LINGO2: variants seen among roughly 807,000 people sequenced by gnomAD.
LINGO2 encodes the protein leucine rich repeat and Ig domain containing 2, also known as leucine-rich repeat and immunoglobulin-like domain-containing nogo receptor-interacting protein 2.
LINGO2 carries 14 observed loss-of-function variants against 30.6 expected under a neutral mutation model. The ratio of observed to expected loss-of-function variants is 0.46; its 90% confidence interval spans 0.30 to 0.72. The LOEUF (loss-of-function observed/expected upper bound fraction) is 0.72, where lower values mean the gene tolerates loss of function less well. Among genes scored for constraint, LINGO2 ranks in the 30% least tolerant of loss-of-function variants. The probability of loss-of-function intolerance (pLI) is 0.07; values close to 1 mark genes in which losing one functional copy is unlikely to be tolerated. For synonymous variants in LINGO2, 317 were observed against 288.5 expected (o/e 1.10, Z -1.00); for missense variants, 729 against 751.7 (o/e 0.97, Z 0.35).
chr9:29,103,781 G>A, the LINGO2 span, among the ~76,000 whole-genome samples: 1 of 152,106 alleles, frequency 6.6e-6, no homozygotes. Flanking sequence ...ACATTTCATG[G>A]TCAATTTTTA....
At chr9:28,290,364 C>A (rs572547366) in intron 4 of LINGO2, among the ~76,000 whole-genome samples, 2 of 152,304 alleles carry the variant, frequency 1.3e-5, no homozygotes, top group Admixed American at 6.5e-5. Flanking sequence ...CATTGCAGTG[C>A]ACTCGGCAAG....
intron 2 of LINGO2, among the ~76,000 whole-genome samples, chr9:28,389,199 T>A (rs987187659): frequency 6.6e-6 from 1 of 152,168 alleles, no homozygotes; most frequent in Admixed American, 6.5e-5. Context: ...ACTCTAATAA[T>A]AAAAATATTG....
the LINGO2 span, among the ~76,000 whole-genome samples, chr9:28,944,251 T>C: frequency 2.0e-5 from 3 of 152,202 alleles, no homozygotes; most frequent in Non-Finnish European, 4.4e-5. Flanking sequence ...CCTTGAAGGA[T>C]ATGACCTAGT....
At chr9:28,723,977 T>TA in the LINGO2 span, among the ~76,000 whole-genome samples, 1 of 152,126 alleles carries the variant, frequency 6.6e-6, no homozygotes, top group Non-Finnish European at 1.5e-5. Flanking sequence ...ACAATGCATA[T>TA]ACTCTATTTG....
At chr9:28,049,645 A>G (rs1374257138) in intron 4 of LINGO2, among the ~76,000 whole-genome samples, 1 of 150,798 alleles carries the variant, frequency 6.6e-6, no homozygotes, top group Non-Finnish European at 1.5e-5. Flanking sequence ...AATTCCATTT[A>G]TGTCACAAAT....
chr9:28,092,431 C>G (rs917795306), intron 4 of LINGO2, among the ~76,000 whole-genome samples: 11 of 151,382 alleles, frequency 7.3e-5, no homozygotes, highest in Admixed American at 5.9e-4. Context: ...TCATTCTCAG[C>G]AAACTGTCGC....
chr9:27,962,682 T>C lies in LINGO2; in HGVS notation c.-35-11976A>G, dbSNP rs147094726. Among the ~76,000 whole-genome samples the C allele has an allele frequency of 2.5e-3, 381 of 152,306 alleles. 2 individuals carry two copies. Among genetic ancestry groups the C allele is most frequent in the African/African-American group, 8.4e-3 (351 of 41,584 alleles). On this transcript the variant is annotated intron_variant, in intron 5 of 5. Coordinates refer to ENST00000379992, the Ensembl canonical transcript of LINGO2. The stretch of plus-strand genomic sequence containing the variant: ...TCTCCTCACAAATATTTCTCAGTTT[T>C]AGCCCAGAAGGCAAACTGCTGGCTC...
At chr9:28,806,320 G>T in the LINGO2 span, among the ~76,000 whole-genome samples, 1 of 152,160 alleles carries the variant, frequency 6.6e-6, no homozygotes. Context: ...TATGAGAAAA[G>T]CTGCTGCCTT....
At chr9:29,119,844 C>T in the LINGO2 span, among the ~76,000 whole-genome samples, 14 of 152,116 alleles carry the variant, frequency 9.2e-5, no homozygotes, top group Non-Finnish European at 1.9e-4. Flanking sequence ...GTGATCCCCC[C>T]ACCTTGGCCT....
intron 4 of LINGO2, among the ~76,000 whole-genome samples, chr9:28,142,214 T>C (rs996895065): frequency 6.6e-6 from 1 of 151,046 alleles, no homozygotes; most frequent in African/African-American, 2.4e-5. Flanking sequence ...GTAATATATA[T>C]AGGTAAAGTA....
chr9:28,077,972 G>A (rs1040065526), intron 4 of LINGO2, among the ~76,000 whole-genome samples: 2 of 149,188 alleles, frequency 1.3e-5, no homozygotes, highest in Admixed American at 1.3e-4. Context: ...GAATGATGTG[G>A]TTGTAATCTG....
intron 4 of LINGO2, among the ~76,000 whole-genome samples, chr9:28,135,993 C>T (rs1191578072): frequency 6.6e-6 from 1 of 152,088 alleles, no homozygotes; most frequent in Non-Finnish European, 1.5e-5. Context: ...GCACAGTCAG[C>T]AGTGATAAAG....
intron 4 of LINGO2, among the ~76,000 whole-genome samples, chr9:28,121,808 C>G (rs1723322596): frequency 1.3e-5 from 2 of 152,128 alleles, no homozygotes; most frequent in Admixed American, 6.5e-5. Flanking sequence ...GTCATTACTC[C>G]ACTAGAATAT....
At chr9:28,632,849 A>G (rs1200851696) in intron 1 of LINGO2, among the ~76,000 whole-genome samples, 1 of 116,030 alleles carries the variant, frequency 8.6e-6, no homozygotes. Flanking sequence ...AAATCTATAT[A>G]TATTTTTTAT....
the LINGO2 span, among the ~76,000 whole-genome samples, chr9:28,805,525 T>G: frequency 6.6e-6 from 1 of 152,328 alleles, no homozygotes; most frequent in Admixed American, 6.5e-5. Flanking sequence ...TTGTTTTGTA[T>G]ACATATTGGC....
chr9:27,977,706 C>A (rs1820667033), intron 5 of LINGO2, among the ~76,000 whole-genome samples: 1 of 151,650 alleles, frequency 6.6e-6, no homozygotes, highest in Admixed American at 6.6e-5. Context: ...AAACTTTTCT[C>A]CCCCCATCAC....
At chr9:28,472,617 C>T (rs1587719766) in intron 2 of LINGO2, among the ~76,000 whole-genome samples, 1 of 152,182 alleles carries the variant, frequency 6.6e-6, no homozygotes, top group South Asian at 2.1e-4. Flanking sequence ...TTTATTTCTT[C>T]AACAAGTTTT....
intron 4 of LINGO2, among the ~76,000 whole-genome samples, chr9:28,271,628 C>A (rs370524972): frequency 2.6e-5 from 4 of 152,128 alleles, no homozygotes; most frequent in African/African-American, 7.2e-5. Flanking sequence ...AATCAGCCTT[C>A]TAAGATGACA....
the LINGO2 span, among the ~76,000 whole-genome samples, chr9:28,930,549 C>T: frequency 1.4e-4 from 22 of 152,124 alleles, no homozygotes; most frequent in African/African-American, 5.3e-4. The surrounding 1 kb of genome is among the most constrained non-coding windows in gnomAD (Gnocchi z 4.2). Flanking sequence ...CTTCAAGGGA[C>T]CTGAATTATA....
Sources: allele counts gnomAD v4.1 joint callset (sites outside exome capture counted in the v4.1 genomes callset), GRCh38; gene constraint gnomAD v4.1.1; non-coding constraint Gnocchi (gnomAD v3.1); transcripts MANE v1.5; gene names NCBI Gene and HGNC (gene_info 2026-07-23, HGNC 2026-07-21).